The following FBXO4 variants were observed in gnomAD, a reference collection of about 807,000 sequenced individuals.
FBXO4 encodes F-box only protein 4.
A neutral mutation model predicts 43.7 loss-of-function variants in FBXO4; 36 were observed. That is an observed-to-expected ratio of 0.82 (90% confidence interval 0.63 to 1.09). The LOEUF is 1.09. Ranked by LOEUF, FBXO4 falls within the 50% of genes least tolerant of loss-of-function variation. FBXO4 has a pLI of 0.00. For synonymous variants in FBXO4, 180 were observed against 165.6 expected (o/e 1.09, Z -0.67); for missense variants, 435 against 474.1 (o/e 0.92, Z 0.77).
At chr5:41,974,085 T>C in the FBXO4 span, among the ~76,000 whole-genome samples, 996 of 152,324 alleles carry the variant, frequency 6.5e-3, 41 homozygotes, top group East Asian at 0.12. Flanking sequence ...CTAATTGTTA[T>C]CTTTCTTTCT....
At chr5:41,929,342 AG>A (rs533312825) in intron 2 of FBXO4, among the ~76,000 whole-genome samples, 113 of 152,290 alleles carry the variant, frequency 7.4e-4, no homozygotes, top group Admixed American at 1.8e-3. Context: ...CAAATGTTCC[AG>A]GGGGGCAGGG....
chr5:41,965,113 T>A, the FBXO4 span, among the ~76,000 whole-genome samples: 1 of 152,236 alleles, frequency 6.6e-6, no homozygotes, highest in Non-Finnish European at 1.5e-5. Flanking sequence ...GCTAGCCAGT[T>A]TTCCCAGCAC....
At chr5:42,040,162 G>T in the FBXO4 span, among the ~76,000 whole-genome samples, 5 of 152,062 alleles carry the variant, frequency 3.3e-5, no homozygotes, top group Non-Finnish European at 7.4e-5. Context: ...CCTTTTGCAA[G>T]ATGTATCCCA....
At chr5:41,935,305 G>A (rs1751820940) in intron 5 of FBXO4, among the ~76,000 whole-genome samples, 1 of 152,196 alleles carries the variant, frequency 6.6e-6, no homozygotes, top group Non-Finnish European at 1.5e-5. Context: ...AGGTGCTCAT[G>A]TAAAAGGTTA....
chr5:41,958,627 A>G, the FBXO4 span, among the ~76,000 whole-genome samples: 3 of 152,114 alleles, frequency 2.0e-5, no homozygotes, highest in Admixed American at 1.3e-4. Context: ...TACATTCCAC[A>G]TGTAAGTGAG....
rs1339191438 is a variant in FBXO4, at chr5:41,941,253, A to C, written c.1136A>C (p.Glu379Ala). 2 of 1,613,704 alleles carry C rather than the reference A, an allele frequency of 1.2e-6. No individual in the cohort carries two copies. Among genetic ancestry groups the C allele is most frequent in the Non-Finnish European group, 8.5e-7 (1 of 1,179,730 alleles). The change falls in exon 7 of 7, where the codon GAA becomes GCA. Residue 379 changes from glutamate to alanine, a missense_variant. Transcript: ENST00000281623. ...GFLNGIEWIL[E>A]EVESKRAR ...TTGAATGGCATTGAGTGGATTCTTG[A>C]AGAAGTGGAATCTAAGCGTGCAAGA... is the stretch of plus-strand genomic sequence containing the variant.
At chr5:41,967,193 T>A in the FBXO4 span, 1 of 486,112 alleles carries the variant, frequency 2.1e-6, no homozygotes. Flanking sequence ...TCTTCAAGCC[T>A]CAGCACTTTT....
At chr5:41,977,498 T>C in the FBXO4 span, among the ~76,000 whole-genome samples, 9 of 152,362 alleles carry the variant, frequency 5.9e-5, no homozygotes, top group South Asian at 1.7e-3. Context: ...CTGTCATCAC[T>C]GTTAAGTTCA....
At chr5:41,996,730 C>G in the FBXO4 span, among the ~76,000 whole-genome samples, 1 of 152,148 alleles carries the variant, frequency 6.6e-6, no homozygotes, top group African/African-American at 2.4e-5. Context: ...TTGGTTTTCT[C>G]TTGGTTGTAG....
In FBXO4 at chr5:41,934,207, A is replaced by G; in HGVS notation, c.797A>G (p.Asp266Gly). The G allele has an allele frequency of 3.1e-6, 5 of 1,614,148 alleles. No individual in the cohort carries two copies. The highest frequency in any genetic ancestry group is 4.2e-6 in the Non-Finnish European group (5 of 1,180,004). ...ATGTTCAGTCGACACAATGAAGGTGATGATCAACAAGGAAGCCGGTACAGT... is the reference window on the plus strand; with the variant it reads ...ATGTTCAGTCGACACAATGAAGGTGGTGATCAACAAGGAAGCCGGTACAGT... ...NKMFSRHNEGDDQQGSRYSVI... is the reference protein window; with the variant it reads ...NKMFSRHNEGGDQQGSRYSVI... Residue 266 changes from aspartate to glycine, a missense_variant, in exon 5 of 7, where the codon GAT (aspartate) becomes GGT (glycine). By Grantham distance (94) the Asp-to-Gly change is moderately conservative (BLOSUM62 -1). Transcript: ENST00000281623.
chr5:41,977,328 G>T, the FBXO4 span, among the ~76,000 whole-genome samples: 8 of 152,134 alleles, frequency 5.3e-5, no homozygotes, highest in Non-Finnish European at 1.0e-4. Context: ...CACATGGCTA[G>T]CTTGCAAATT....
At chr5:41,953,401 G>A in the FBXO4 span, among the ~76,000 whole-genome samples, 1 of 152,150 alleles carries the variant, frequency 6.6e-6, no homozygotes, top group East Asian at 1.9e-4. Context: ...TATCATTGTT[G>A]GACATTTGGG....
chr5:41,932,919 AAAG>A (rs781528676), intron 3 of FBXO4, among the ~76,000 whole-genome samples: 1 of 152,218 alleles, frequency 6.6e-6, no homozygotes, highest in African/African-American at 2.4e-5. Context: ...AGAGGTTAAG[AAAG>A]AAGGACAAAT....
chr5:42,008,341 A>C, the FBXO4 span, among the ~76,000 whole-genome samples: 1 of 152,118 alleles, frequency 6.6e-6, no homozygotes, highest in East Asian at 1.9e-4. Flanking sequence ...TACCAGCCTG[A>C]TTGCTTTCTG....
the FBXO4 span, among the ~76,000 whole-genome samples, chr5:41,954,722 A>G: frequency 2.6e-5 from 4 of 152,184 alleles, no homozygotes; most frequent in African/African-American, 9.7e-5. Context: ...AAATCTCTTC[A>G]TAATTATTGA....
chr5:41,950,407 T>G, the FBXO4 span, among the ~76,000 whole-genome samples: 1 of 152,030 alleles, frequency 6.6e-6, no homozygotes, highest in East Asian at 1.9e-4. Flanking sequence ...GGGCAAAGGA[T>G]AAGATCAGAC....
Position 41,925,609 on chromosome 5 carries a change from G to C in FBXO4, c.189+111G>C, listed in dbSNP as rs935908769. ...ACTCTCGCGCCCCGGCCTGGGTCTG[G>C]CTCCGTCCATGCAGCCATTCCTGGC... On this transcript the variant is annotated intron_variant, in intron 1 of 6. Coordinates refer to ENST00000281623, the MANE Select transcript of FBXO4 (RefSeq NM_012176.3). 2.5e-4 allele frequency: 195 copies of C among 792,706 alleles called. 1 individual carries two copies. Among genetic ancestry groups the C allele is most frequent in the Middle Eastern group, 1.3e-3 (3 of 2,366 alleles). The allele number at this position is 792,706 out of a possible 1,614,324, so 49.1% of individuals were successfully genotyped here.
At chr5:41,978,422 A>G in the FBXO4 span, among the ~76,000 whole-genome samples, 2 of 152,228 alleles carry the variant, frequency 1.3e-5, no homozygotes, top group Admixed American at 1.3e-4. Context: ...TGTTTAAAAA[A>G]GTGTGAAATG....
At chr5:42,031,397 G>A in the FBXO4 span, among the ~76,000 whole-genome samples, 1 of 148,062 alleles carries the variant, frequency 6.8e-6, no homozygotes, top group Non-Finnish European at 1.5e-5. Context: ...CTCATAGGTG[G>A]GAATTGAACA....
Sources: gnomAD v4.1 joint callset for allele counts (sites outside exome capture counted in the v4.1 genomes callset) on GRCh38, gnomAD v4.1.1 for gene constraint, MANE v1.5 for transcripts, NCBI Gene and HGNC (gene_info 2026-07-23, HGNC 2026-07-21) for gene names.